The following PREX2 variants were observed in gnomAD, a reference collection of about 807,000 sequenced individuals.
PREX2 encodes the protein phosphatidylinositol 3,4,5-trisphosphate-dependent Rac exchanger 2 protein.
PREX2 carries 107 observed loss-of-function variants against 203.2 expected under a neutral mutation model. That is an observed-to-expected ratio of 0.53 (90% CI 0.45 to 0.62). PREX2 has a LOEUF of 0.62. Ranked by LOEUF, PREX2 falls within the 20% of genes least tolerant of loss-of-function variation. PREX2 has a pLI of 0.00. For synonymous variants in PREX2, 672 were observed against 663.6 expected, an observed-to-expected ratio of 1.01 and a Z score of -0.19; for missense variants, 1,777 against 1,955.9, an observed-to-expected ratio of 0.91 and a Z score of 1.72.
chr8:67,972,107 T>C (rs1377930130), intron 1 of PREX2, among the ~76,000 whole-genome samples: 1 of 152,246 alleles, frequency 6.6e-6, no homozygotes, highest in Non-Finnish European at 1.5e-5. Flanking sequence ...TGGTTTTGTT[T>C]TGTTTTCATA....
At chr8:68,005,566 T>C (rs992781314) in intron 1 of PREX2, among the ~76,000 whole-genome samples, 1 of 152,172 alleles carries the variant, frequency 6.6e-6, no homozygotes, top group Non-Finnish European at 1.5e-5. Flanking sequence ...TCTCCTTCCT[T>C]TGGGTCGTAC....
At chr8:68,064,406 G>A (rs1200100223) in intron 11 of PREX2, among the ~76,000 whole-genome samples, 1 of 151,952 alleles carries the variant, frequency 6.6e-6, no homozygotes, top group Non-Finnish European at 1.5e-5. Context: ...TCTGTTGCCC[G>A]GGCTAGAGTA....
At chr8:68,220,247 C>T (rs1355829838) in intron 38 of PREX2, 1 of 151,980 alleles carries the variant, frequency 6.6e-6, no homozygotes, top group Admixed American at 6.6e-5. Flanking sequence ...AGATAAAAGA[C>T]AGAAGAGAAG....
intron 37 of PREX2, among the ~76,000 whole-genome samples, chr8:68,200,472 A>T (rs376900572): frequency 6.6e-6 from 1 of 152,118 alleles, no homozygotes; most frequent in East Asian, 1.9e-4. Flanking sequence ...AATACAGGTA[A>T]ATTGTTAAAA....
chr8:68,038,276 T>A lies in PREX2; in HGVS notation c.823T>A (p.Cys275Ser), dbSNP rs1235073267. 1.9e-6 allele frequency: 3 copies of A among 1,613,700 alleles called. No individual in the cohort carries two copies. In the Admixed American group the frequency reaches 5.0e-5, roughly 27 times the overall value. The change falls in exon 7 of 40, where the codon TGC becomes AGC. Residue 275 changes from cysteine (C) to serine (S), a missense_variant. By Grantham distance (112) the Cys-to-Ser change is moderately radical (BLOSUM62 -1). Transcript: ENST00000288368. ...TCTTTTCGATAATCTTTTGGTGTAC[T>A]GCAAAAGAAAACACAGGTAAGATCC... ...FFLFDNLLVYCKRKHRRLKNS... is the reference protein window; with the variant it reads ...FFLFDNLLVYSKRKHRRLKNS...
intron 35 of PREX2, among the ~76,000 whole-genome samples, chr8:68,164,973 C>G (rs1811731485): frequency 1.3e-5 from 2 of 150,812 alleles, no homozygotes; most frequent in Admixed American, 1.3e-4. Flanking sequence ...AGCTAATTCC[C>G]TAATCAGGAG....
chr8:68,053,106 A>G lies in PREX2; in HGVS notation c.953A>G (p.His318Arg), dbSNP rs1005680756. 3.1e-6 allele frequency: 5 copies of G among 1,612,122 alleles called. No individual in the cohort carries two copies. The Admixed American group carries it at 6.7e-5, about 22-fold the overall frequency. Residue 318 changes from histidine to arginine, a missense_variant, in exon 9 of 40, where the codon CAT (histidine) becomes CGT (arginine). Coordinates refer to ENST00000288368, the MANE Select transcript of PREX2 (RefSeq NM_024870.4). ...ACCCATTAATTTACAGCTGATTTCC[A>G]TAGCAGTGGACACATTGTTGTTAAT... is the stretch of plus-strand genomic sequence containing the variant. ...ENVDDGTADF[H>R]SSGHIVVNGW...
intron 37 of PREX2, among the ~76,000 whole-genome samples, chr8:68,196,393 C>T (rs1812394125): frequency 1.4e-5 from 2 of 147,888 alleles, no homozygotes; most frequent in South Asian, 2.1e-4. Flanking sequence ...CAACAACACA[C>T]ATCTGAACAT....
intron 25 of PREX2, among the ~76,000 whole-genome samples, chr8:68,115,021 C>CA: frequency 1.2e-5 from 1 of 86,848 alleles, no homozygotes; most frequent in Non-Finnish European, 2.1e-5. Flanking sequence ...TCTTTTCTTT[C>CA]TTTTTTTTTT....
In PREX2 at chr8:68,181,133, C is replaced by T. The variant is rs908298201; in HGVS notation, c.4347-10589C>T. On this transcript the variant is annotated intron_variant, in intron 35 of 39. Coordinates refer to ENST00000288368, the MANE Select transcript of PREX2 (RefSeq NM_024870.4). ...AGTTGCCTAGGTATTGAGCTTAAGG[C>T]GATAAACATGACAAAGTCCATGTCC... 3.3e-5 allele frequency among the ~76,000 whole-genome samples: 5 copies of T among 152,184 alleles called. No individual in the cohort carries two copies. In the East Asian group the frequency reaches 5.8e-4, roughly 18 times the overall value.
chr8:68,184,690 G>A (rs1297489336), intron 35 of PREX2, among the ~76,000 whole-genome samples: 1 of 152,094 alleles, frequency 6.6e-6, no homozygotes, highest in Admixed American at 6.6e-5. Context: ...TACAAAGCAC[G>A]AGGCTCTTAG....
chr8:68,089,184 C>T (rs992739505), intron 19 of PREX2, among the ~76,000 whole-genome samples: 4 of 147,314 alleles, frequency 2.7e-5, no homozygotes, highest in Admixed American at 6.8e-5. Flanking sequence ...ATCAACCTAA[C>T]CACATCTTCT....
intron 35 of PREX2, among the ~76,000 whole-genome samples, chr8:68,180,907 A>T (rs937324009): frequency 1.3e-5 from 2 of 152,128 alleles, no homozygotes; most frequent in African/African-American, 4.8e-5. Flanking sequence ...TTATTGGACT[A>T]TGTCTAGAAG....
At chr8:68,227,766 A>G (rs1813081307) in intron 39 of PREX2, among the ~76,000 whole-genome samples, 1 of 152,200 alleles carries the variant, frequency 6.6e-6, no homozygotes, top group African/African-American at 2.4e-5. Context: ...TAGTCACACT[A>G]CTGGGAGAGT....
At chr8:68,183,246 A>T (rs1213881265) in intron 35 of PREX2, among the ~76,000 whole-genome samples, 1 of 152,158 alleles carries the variant, frequency 6.6e-6, no homozygotes, top group African/African-American at 2.4e-5. Context: ...GTGGAAAAAG[A>T]TCCAACCCAT....
At chr8:68,144,422 C>T (rs749515544) in intron 33 of PREX2, among the ~76,000 whole-genome samples, 1 of 151,806 alleles carries the variant, frequency 6.6e-6, no homozygotes, top group Non-Finnish European at 1.5e-5. Context: ...AAAGTTATAC[C>T]TAAGTATTTT....
chr8:68,093,713 A>G lies in PREX2; in HGVS notation c.2359A>G (p.Lys787Glu), dbSNP rs138027402. Residue 787 changes from lysine (K) to glutamate (E), a missense_variant, in exon 21 of 40, where the codon AAA (lysine) becomes GAA (glutamate). Coordinates refer to ENST00000288368, the MANE Select transcript of PREX2 (RefSeq NM_024870.4). ...GDEAGDAFDC[K>E]VEEVIDKFNT... is the part of the protein sequence containing the mutation. ...TGAAGCAGGGGATGCTTTTGACTGT[A>G]AAGTAGAAGGTAGGTTTCTTATTTT... The G allele has an allele frequency of 8.7e-5, 135 of 1,559,502 alleles. 1 individual carries two copies. In the African/African-American group the frequency reaches 1.5e-3, roughly 17 times the overall value.
At chr8:68,032,696 G>A (rs1807919621) in intron 6 of PREX2, among the ~76,000 whole-genome samples, 1 of 152,164 alleles carries the variant, frequency 6.6e-6, no homozygotes, top group Non-Finnish European at 1.5e-5. Flanking sequence ...GGAGGAAGCT[G>A]TAATGAGTTA....
intron 1 of PREX2, among the ~76,000 whole-genome samples, chr8:68,003,871 A>G (rs1489649265): frequency 1.1e-5 from 1 of 90,710 alleles, no homozygotes; most frequent in Non-Finnish European, 2.1e-5. Context: ...TTTTTTTGAG[A>G]CAGAGTCTCA....
Sources: gnomAD v4.1 joint callset for allele counts (sites outside exome capture counted in the v4.1 genomes callset) on GRCh38, gnomAD v4.1.1 for gene constraint, MANE v1.5 for transcripts, NCBI Gene and HGNC (gene_info 2026-07-23, HGNC 2026-07-21) for gene names.